GTF2IRD1: variants seen among roughly 807,000 people sequenced by gnomAD.
GTF2IRD1 encodes the protein general transcription factor II-I repeat domain-containing protein 1.
A neutral mutation model predicts 113.2 loss-of-function variants in GTF2IRD1; 26 were observed. That is an observed-to-expected ratio of 0.23 (90% CI 0.17 to 0.32). The LOEUF is 0.32. GTF2IRD1 is among the 10% of genes least tolerant of loss of function. The pLI is 1.00. For synonymous variants in GTF2IRD1, 484 were observed against 529.1 expected (o/e 0.91, Z 1.17); for missense variants, 864 against 1,280.8 (o/e 0.67, Z 4.97).
intron 1 of GTF2IRD1, among the ~76,000 whole-genome samples, chr7:74,472,712 A>G (rs986422421): frequency 2.6e-5 from 4 of 152,342 alleles, no homozygotes; most frequent in East Asian, 1.9e-4. Context: ...AGATCGCACC[A>G]CTGCCCTCCA....
At chr7:74,489,078 G>A (rs971702184) in intron 1 of GTF2IRD1, among the ~76,000 whole-genome samples, 2 of 151,690 alleles carry the variant, frequency 1.3e-5, no homozygotes, top group Non-Finnish European at 2.9e-5. Flanking sequence ...GGAGGCAGAA[G>A]TTGCAGTGAG....
intron 22 of GTF2IRD1, among the ~76,000 whole-genome samples, chr7:74,571,844 G>A (rs934820903): frequency 6.6e-6 from 1 of 152,034 alleles, no homozygotes; most frequent in Admixed American, 6.6e-5. Flanking sequence ...CTGGGCAACA[G>A]AGTGAGACCT....
At chr7:74,485,294 G>A (rs898248132) in intron 1 of GTF2IRD1, among the ~76,000 whole-genome samples, 2 of 152,202 alleles carry the variant, frequency 1.3e-5, no homozygotes, top group African/African-American at 4.8e-5. Context: ...GAATTCATCA[G>A]ACGAGTCTTG....
At chr7:74,495,559 C>T (rs576130854) in intron 1 of GTF2IRD1, among the ~76,000 whole-genome samples, 9 of 152,254 alleles carry the variant, frequency 5.9e-5, no homozygotes, top group African/African-American at 1.7e-4. Context: ...GTAGCAGGCC[C>T]GGGCACACAC....
At chr7:74,458,598 A>T (rs577570680) in intron 1 of GTF2IRD1, among the ~76,000 whole-genome samples, 2 of 151,362 alleles carry the variant, frequency 1.3e-5, no homozygotes, top group Admixed American at 1.3e-4. Context: ...GGGTGTGGTA[A>T]TGTGGGTTTT....
chr7:74,527,222 C>T (rs1475407252), intron 8 of GTF2IRD1, among the ~76,000 whole-genome samples: 3 of 152,168 alleles, frequency 2.0e-5, no homozygotes, highest in Non-Finnish European at 4.4e-5. Context: ...GGAGCGGTGG[C>T]TCATGCCTGT....
chr7:74,544,335 G>A (rs1183590340), intron 14 of GTF2IRD1, among the ~76,000 whole-genome samples: 5 of 152,086 alleles, frequency 3.3e-5, no homozygotes, highest in East Asian at 1.9e-4. Context: ...ACAGGCATGC[G>A]CCACCATGCC....
At chr7:74,574,972 C>T (rs1800941339) in intron 22 of GTF2IRD1, among the ~76,000 whole-genome samples, 1 of 152,094 alleles carries the variant, frequency 6.6e-6, no homozygotes, top group Non-Finnish European at 1.5e-5. Flanking sequence ...CACCTATAAT[C>T]CCAGCTACTT....
chr7:74,492,037 T>C (rs1795376710), intron 1 of GTF2IRD1, among the ~76,000 whole-genome samples: 1 of 152,200 alleles, frequency 6.6e-6, no homozygotes, highest in Admixed American at 6.6e-5. Flanking sequence ...GGAGTCTTAC[T>C]CTGTTGTCCA....
intron 22 of GTF2IRD1, among the ~76,000 whole-genome samples, chr7:74,576,002 TAA>T (rs880000685): frequency 1.4e-5 from 2 of 141,110 alleles, no homozygotes; most frequent in African/African-American, 2.6e-5. Context: ...ACCCCATCTC[TAA>T]AAAAAAAAAA....
chr7:74,500,513 G>A (rs1795975532), intron 1 of GTF2IRD1, among the ~76,000 whole-genome samples: 1 of 151,894 alleles, frequency 6.6e-6, no homozygotes, highest in Admixed American at 6.6e-5. Context: ...TCAACCCCAA[G>A]CCAGTGCAGA....
intron 1 of GTF2IRD1, among the ~76,000 whole-genome samples, chr7:74,455,296 C>T (rs1334265784): frequency 3.3e-5 from 5 of 152,202 alleles, no homozygotes; most frequent in Admixed American, 6.5e-5. Context: ...GGCAGGCCCC[C>T]GCAGTTTTTG....
intron 10 of GTF2IRD1, 72 bp from the exon 11 acceptor site, chr7:74,536,095 C>T: frequency 1.0e-6 from 1 of 982,944 alleles, no homozygotes; most frequent in Non-Finnish European, 1.6e-6. Context: ...ACACACAGAC[C>T]TTTACCCAGG....
At chr7:74,476,041 G>A (rs1268782610) in intron 1 of GTF2IRD1, among the ~76,000 whole-genome samples, 3 of 152,194 alleles carry the variant, frequency 2.0e-5, no homozygotes, top group African/African-American at 7.2e-5. Context: ...ACCCGATAAC[G>A]GATAGACACC....
At chr7:74,544,653 G>T (rs1219550951) in intron 14 of GTF2IRD1, 102 bp from the exon 15 acceptor site, 4 of 1,175,130 alleles carry the variant, frequency 3.4e-6, no homozygotes, top group Admixed American at 3.7e-5. Flanking sequence ...CAGAGTTGGG[G>T]CCCCCTGGCC....
Position 74,555,405 on chromosome 7 carries a change from C to T in GTF2IRD1, c.1967-33C>T, listed in dbSNP as rs1429756085. The T allele has an allele frequency of 1.2e-6, 2 of 1,612,928 alleles. No homozygotes were observed. Among genetic ancestry groups the T allele is most frequent in the Non-Finnish European group, 1.7e-6 (2 of 1,179,000 alleles). On this transcript the variant is annotated intron_variant, in intron 18 of 26. Transcript: ENST00000424337. The surrounding 1 kb of genome is among the most constrained non-coding windows in gnomAD (Gnocchi z 5.3). ...TCTTGGGTCCCAGGAACTGCCTCCTCACTTGGCTTCTCTCCCCCTGCCCTG... is the reference window on the plus strand; with the variant it reads ...TCTTGGGTCCCAGGAACTGCCTCCTTACTTGGCTTCTCTCCCCCTGCCCTG...
At chr7:74,537,727 C>T (rs1554350550) in intron 11 of GTF2IRD1, among the ~76,000 whole-genome samples, 1 of 152,168 alleles carries the variant, frequency 6.6e-6, no homozygotes, top group African/African-American at 2.4e-5. Context: ...TCCCAGGGTT[C>T]CTGCCACCTT....
At chr7:74,548,829 A>C (rs1351304230) in intron 17 of GTF2IRD1, among the ~76,000 whole-genome samples, 1 of 152,072 alleles carries the variant, frequency 6.6e-6, no homozygotes, top group Non-Finnish European at 1.5e-5. Flanking sequence ...ACTTAAGCCC[A>C]GGAGGGGTTT....
intron 1 of GTF2IRD1, among the ~76,000 whole-genome samples, chr7:74,459,439 CAA>C (rs555235860): frequency 6.6e-6 from 1 of 151,272 alleles, no homozygotes; most frequent in African/African-American, 2.4e-5. Flanking sequence ...GCCTGGGCGA[CAA>C]GAGTGAAACT....
Sources: gnomAD v4.1 joint callset for allele counts (sites outside exome capture counted in the v4.1 genomes callset) on GRCh38, gnomAD v4.1.1 for gene constraint, Gnocchi (gnomAD v3.1) non-coding constraint, MANE v1.5 for transcripts, NCBI Gene and HGNC (gene_info 2026-07-23, HGNC 2026-07-21) for gene names.